Variants in SLC6A16 observed in about 807,000 individuals in gnomAD.
SLC6A16 encodes solute carrier family 6 member 16.
In SLC6A16, 54 loss-of-function variants were observed where a neutral mutation model predicts 65.4. The ratio of observed to expected loss-of-function variants is 0.83; its 90% CI spans 0.66 to 1.04. SLC6A16 has a LOEUF of 1.04. Among genes scored for constraint, SLC6A16 ranks in the 50% least tolerant of loss-of-function variants. The pLI, the probability that SLC6A16 is intolerant of heterozygous loss-of-function variation, is 0.00. For missense variants in SLC6A16, 816 were observed against 914.0 expected (o/e 0.89, Z 1.38); for synonymous variants, 330 against 346.5 (o/e 0.95, Z 0.53).
At position 49,307,724 on chromosome 19, in the gene SLC6A16, C is replaced by CAAAAAAAAAA. The variant is rs74182049; in HGVS notation, c.1229+1151_1229+1152insTTTTTTTTTT. 3.5e-4 allele frequency among the ~76,000 whole-genome samples: 27 copies of CAAAAAAAAAA among 76,698 alleles called. 1 individual carries two copies. The highest frequency in any genetic ancestry group is 1.5e-3 in the African/African-American group (24 of 15,996). The allele number at this position is 76,698 out of a possible 152,430, so 50.3% of individuals were successfully genotyped here. On this transcript the variant is annotated intron_variant, in intron 7 of 11. Coordinates refer to ENST00000335875, the MANE Select transcript of SLC6A16 (RefSeq NM_014037.3). Reference sequence around the variant, plus strand: ...GAGAGAGAGGAAGAGGAGGAGGAAGCAAAAAAAAAGAAAAAGAAAAAAAAG... The same window carrying CAAAAAAAAAA: ...GAGAGAGAGGAAGAGGAGGAGGAAGCAAAAAAAAAAAAAAAAAAAGAAAAAGAAAAAAAAG...
In SLC6A16 at chr19:49,308,779, T is replaced by C. The variant is rs780549807; in HGVS notation, c.1229+97A>G. On this transcript the variant is annotated intron_variant, in intron 7 of 11. Coordinates refer to ENST00000335875, the MANE Select transcript of SLC6A16 (RefSeq NM_014037.3). ...CTTGCAAGTGCACCCAAGGTTGAAATGTGTGAACATGGGTCTTTGCAGCAC... is the reference window on the plus strand; with the variant it reads ...CTTGCAAGTGCACCCAAGGTTGAAACGTGTGAACATGGGTCTTTGCAGCAC... 37 of 1,482,106 alleles carry C rather than the reference T, an allele frequency of 2.5e-5. No individual in the cohort carries two copies. The Middle Eastern group carries it at 1.1e-3, about 43-fold the overall frequency. 91.8% of individuals were successfully genotyped at this position (1,482,106 alleles called of 1,614,324 possible).
chr19:49,336,919 C>G, the SLC6A16 span: 1 of 1,614,104 alleles, frequency 6.2e-7, no homozygotes, highest in African/African-American at 1.3e-5. Flanking sequence ...GCTTGGCCTT[C>G]GTGCCTCTGC....
chr19:49,335,792 G>C, the SLC6A16 span: 1 of 1,609,966 alleles, frequency 6.2e-7, no homozygotes, highest in South Asian at 1.1e-5. The surrounding 1 kb of genome is among the most constrained non-coding windows in gnomAD (Gnocchi z 4.6). Flanking sequence ...TGTGGGTGAG[G>C]GGGGCTGGGG....
At position 49,311,153 on chromosome 19, in the gene SLC6A16, C is replaced by A. The variant is rs899792634; in HGVS notation, c.195G>T (p.Gln65His). 1 of 1,614,138 alleles carries A rather than the reference C, an allele frequency of 6.2e-7. No individual in the cohort carries two copies. The highest frequency in any genetic ancestry group is 8.5e-7 in the Non-Finnish European group (1 of 1,180,002). Reference protein sequence around the residue: ...RVAEAQARTSQPKQISVLEAL... With the variant: ...RVAEAQARTSHPKQISVLEAL... ...CCTCCAATACAGAAATTTGCTTGGG[C>A]TGACTGGTCCTGGCCTGAGCCTCTG... Residue 65 changes from glutamine to histidine, a missense_variant, in exon 2 of 12, where the codon CAG (glutamine) becomes CAT (histidine). By Grantham distance (24) the Gln-to-His change is conservative. Transcript: ENST00000335875.
chr19:49,337,261 G>A, the SLC6A16 span: 1 of 1,583,296 alleles, frequency 6.3e-7, no homozygotes, highest in African/African-American at 1.3e-5. Context: ...CCCCAGCAGG[G>A]AGGAGAGGGA....
Position 49,290,192 on chromosome 19 carries a change from C to A in SLC6A16, c.2142G>T (p.Glu714Asp), listed in dbSNP as rs755832962. 6.2e-7 allele frequency: 1 copy of A among 1,613,984 alleles called. No homozygotes were observed. Among genetic ancestry groups the A allele is most frequent in the East Asian group, 2.2e-5 (1 of 44,876 alleles). Reference sequence around the variant, plus strand: ...CTTGTAGAATTTCTTCCTTTTGAACCTCTTTACTGGGTGTTAGCTGGTGAC... The same window carrying A: ...CTTGTAGAATTTCTTCCTTTTGAACATCTTTACTGGGTGTTAGCTGGTGAC... ...PLSHQLTPSK[E>D]VQKEEILQVD... The change falls in exon 12 of 12, where the codon GAG becomes GAT. Residue 714 changes from glutamate to aspartate, a missense_variant. Physicochemically the swap from Glu to Asp is conservative, Grantham distance 45. Coordinates refer to ENST00000335875, the MANE Select transcript of SLC6A16 (RefSeq NM_014037.3).
intron 1 of SLC6A16, among the ~76,000 whole-genome samples, chr19:49,314,667 C>T (rs1039687280): frequency 1.3e-5 from 2 of 152,120 alleles, no homozygotes; most frequent in Non-Finnish European, 2.9e-5. Flanking sequence ...ACTACCTAAA[C>T]CAATAATAGT....
At chr19:49,318,489 A>C (rs1970652158) in intron 1 of SLC6A16, among the ~76,000 whole-genome samples, 1 of 152,176 alleles carries the variant, frequency 6.6e-6, no homozygotes, top group Non-Finnish European at 1.5e-5. Flanking sequence ...ACAACAAAAA[A>C]TTCATAATGT....
intron 4 of SLC6A16, 105 bp downstream of exon 4, chr19:49,309,932 CCTT>C: frequency 1.4e-6 from 2 of 1,431,800 alleles, no homozygotes; most frequent in Non-Finnish European, 1.9e-6. Flanking sequence ...ATTTCTTTTT[CCTT>C]CTTCTTCCTC....
intron 1 of SLC6A16, among the ~76,000 whole-genome samples, chr19:49,323,744 C>A (rs1970753467): frequency 6.6e-6 from 1 of 152,148 alleles, no homozygotes; most frequent in Admixed American, 6.6e-5. Flanking sequence ...AAATTGGAAT[C>A]CTTGTGCCTT....
intron 1 of SLC6A16, among the ~76,000 whole-genome samples, chr19:49,323,526 C>A (rs1399792302): frequency 6.6e-6 from 1 of 152,056 alleles, no homozygotes; most frequent in African/African-American, 2.4e-5. Flanking sequence ...AAGAAACAAA[C>A]AACACAATTC....
chr19:49,313,072 C>CAAAAAAAA lies in SLC6A16; in HGVS notation c.-64-1669_-64-1662dup, dbSNP rs5828385. On this transcript the variant is annotated intron_variant, in intron 1 of 11. Coordinates refer to ENST00000335875, the MANE Select transcript of SLC6A16 (RefSeq NM_014037.3). ...CACTCCAGCCTGGGCAACCCTGTCT[C>CAAAAAAAA]AAAAAAAAAAAAAAAAAAAAAAAGA... 8.7e-3 allele frequency among the ~76,000 whole-genome samples: 836 copies of CAAAAAAAA among 95,706 alleles called. 64 individuals carry two copies. The highest frequency in any genetic ancestry group is 0.036 in the African/African-American group (690 of 18,938). 62.8% of individuals were successfully genotyped at this position (95,706 alleles called of 152,430 possible). A position where few individuals can be genotyped will look rare whatever the true frequency, so the allele number is the denominator to read the frequency against.
intron 7 of SLC6A16, among the ~76,000 whole-genome samples, chr19:49,307,628 C>T (rs1970417884): frequency 7.0e-6 from 1 of 143,566 alleles, no homozygotes; most frequent in African/African-American, 2.6e-5. Context: ...CCCAGGAGTT[C>T]AAGACCTGCC....
chr19:49,295,315 G>A (rs1471354324), intron 7 of SLC6A16, among the ~76,000 whole-genome samples: 1 of 151,900 alleles, frequency 6.6e-6, no homozygotes, highest in African/African-American at 2.4e-5. Flanking sequence ...GGGAGGCAGA[G>A]GTTGCAGTGA....
intron 1 of SLC6A16, among the ~76,000 whole-genome samples, chr19:49,322,562 A>G (rs887270273): frequency 1.3e-5 from 2 of 148,962 alleles, no homozygotes; most frequent in Non-Finnish European, 3.0e-5. Flanking sequence ...TGAACCTGGG[A>G]GGCAGAGGTT....
At chr19:49,332,569 C>CA in the SLC6A16 span, among the ~76,000 whole-genome samples, 4 of 151,950 alleles carry the variant, frequency 2.6e-5, no homozygotes, top group Non-Finnish European at 5.9e-5. Flanking sequence ...AAAACAAAAA[C>CA]AAAAAACAGA....
At chr19:49,335,732 T>G in the SLC6A16 span, 1 of 1,614,022 alleles carries the variant, frequency 6.2e-7, no homozygotes, top group Non-Finnish European at 8.5e-7. This position sits in a 1 kb window ranked among gnomAD's most constrained non-coding sequence, Gnocchi z 4.6. Context: ...CAGCCTGATC[T>G]TCTGCTTCGG....
At chr19:49,317,798 T>A (rs554300137) in intron 1 of SLC6A16, among the ~76,000 whole-genome samples, 1 of 151,056 alleles carries the variant, frequency 6.6e-6, no homozygotes, top group Non-Finnish European at 1.5e-5. Flanking sequence ...ACAGCGAGAC[T>A]CCGTCTCAAA....
the SLC6A16 span, chr19:49,337,104 G>T: frequency 3.1e-6 from 5 of 1,614,066 alleles, no homozygotes; most frequent in Non-Finnish European, 4.2e-6. Context: ...CTGGGCCGGG[G>T]TTGCAGGGGT....
Sources: allele counts gnomAD v4.1 joint callset (sites outside exome capture counted in the v4.1 genomes callset), GRCh38; gene constraint gnomAD v4.1.1; non-coding constraint Gnocchi (gnomAD v3.1); transcripts MANE v1.5; gene names NCBI Gene and HGNC (gene_info 2026-07-23, HGNC 2026-07-21).